LSAMP: variants seen among roughly 807,000 people sequenced by gnomAD.
The protein encoded by LSAMP is limbic system associated membrane protein.
A neutral mutation model predicts 38.6 loss-of-function variants in LSAMP; 7 were observed. That is an observed-to-expected ratio of 0.18 (90% CI 0.10 to 0.34). The LOEUF (loss-of-function observed/expected upper bound fraction) is 0.34. LSAMP is among the 10% of genes least tolerant of loss of function. The probability of loss-of-function intolerance (pLI) is 1.00; values close to 1 mark genes in which losing one functional copy is unlikely to be tolerated. For synonymous variants in LSAMP, 154 were observed against 166.8 expected (o/e 0.92, Z 0.59); for missense variants, 313 against 420.0 (o/e 0.75, Z 2.23).
intron 3 of LSAMP, among the ~76,000 whole-genome samples, chr3:115,985,993 G>T (rs528827873): frequency 6.6e-6 from 1 of 152,158 alleles, no homozygotes; most frequent in East Asian, 1.9e-4. Context: ...AATATATAAC[G>T]AATACAACTG....
chr3:116,303,243 A>G (rs1311833258), intron 1 of LSAMP, among the ~76,000 whole-genome samples: 1 of 152,202 alleles, frequency 6.6e-6, no homozygotes, highest in Non-Finnish European at 1.5e-5. Context: ...TATAGAAGAT[A>G]TTTGGGAGAA....
chr3:116,043,900 C>A (rs1016618792), intron 2 of LSAMP, among the ~76,000 whole-genome samples: 1 of 152,224 alleles, frequency 6.6e-6, no homozygotes, highest in Non-Finnish European at 1.5e-5. Context: ...GAGCCAAGAT[C>A]GCGCCGCTGC....
chr3:115,872,914 A>G (rs1467628265), intron 3 of LSAMP, among the ~76,000 whole-genome samples: 1 of 152,182 alleles, frequency 6.6e-6, no homozygotes, highest in Non-Finnish European at 1.5e-5. Context: ...GACACATGCT[A>G]ATACTAGTTT....
intron 1 of LSAMP, among the ~76,000 whole-genome samples, chr3:116,303,125 A>ATCTC (rs2047436734): frequency 6.6e-6 from 1 of 152,234 alleles, no homozygotes; most frequent in African/African-American, 2.4e-5. Flanking sequence ...GGGCTTCTCA[A>ATCTC]TCTCAGGCAA....
chr3:116,355,620 A>T (rs556229565), intron 1 of LSAMP, among the ~76,000 whole-genome samples: 1 of 152,326 alleles, frequency 6.6e-6, no homozygotes, highest in East Asian at 1.9e-4. Context: ...TCTGCATAGC[A>T]AAGGAAACAA....
chr3:116,243,223 A>G (rs890967640), intron 1 of LSAMP, among the ~76,000 whole-genome samples: 5 of 152,166 alleles, frequency 3.3e-5, no homozygotes, highest in Non-Finnish European at 5.9e-5. Context: ...TGAGGCAAAA[A>G]GGACAGAGAG....
chr3:116,201,695 C>T (rs1312463187), intron 1 of LSAMP, among the ~76,000 whole-genome samples: 1 of 152,150 alleles, frequency 6.6e-6, no homozygotes, highest in Non-Finnish European at 1.5e-5. Context: ...GTTTCATAGC[C>T]ACTCATAGAA....
intron 3 of LSAMP, among the ~76,000 whole-genome samples, chr3:115,978,864 C>T (rs1320674724): frequency 6.6e-6 from 1 of 151,916 alleles, no homozygotes; most frequent in East Asian, 1.9e-4. Context: ...TTTGATTTTG[C>T]AGTTAGGAAG....
intron 1 of LSAMP, among the ~76,000 whole-genome samples, chr3:116,274,284 A>T (rs2047017891): frequency 6.6e-6 from 1 of 152,102 alleles, no homozygotes; most frequent in Non-Finnish European, 1.5e-5. Flanking sequence ...TTTCATTATT[A>T]TCTTCCTGCT....
chr3:116,319,376 T>G (rs1233284866), intron 1 of LSAMP, among the ~76,000 whole-genome samples: 1 of 152,196 alleles, frequency 6.6e-6, no homozygotes, highest in Non-Finnish European at 1.5e-5. Context: ...AGTAGTATCT[T>G]GTATACAGAT....
chr3:116,331,032 G>A (rs1288953907), intron 1 of LSAMP, among the ~76,000 whole-genome samples: 2 of 152,008 alleles, frequency 1.3e-5, no homozygotes, highest in Non-Finnish European at 2.9e-5. Context: ...AAAAAAATAT[G>A]TATGAACAAA....
intron 1 of LSAMP, among the ~76,000 whole-genome samples, chr3:116,244,058 A>G (rs951198713): frequency 1.3e-5 from 2 of 152,142 alleles, no homozygotes; most frequent in Non-Finnish European, 2.9e-5. Flanking sequence ...CCACATCCCA[A>G]TGACTTTTAA....
At chr3:116,051,814 T>C (rs527943868) in intron 2 of LSAMP, among the ~76,000 whole-genome samples, 34 of 151,436 alleles carry the variant, frequency 2.2e-4, no homozygotes, top group Middle Eastern at 3.4e-3. Context: ...TGCTCATCGG[T>C]GAAATGGTGC....
At position 115,802,526 on chromosome 3, in the gene LSAMP, A is replaced by ATTTTT. The variant is rs10663302; in HGVS notation, c.*7786_*7790dup. 415 of 148,158 alleles carry ATTTTT rather than the reference A, an allele frequency of 2.8e-3. 1 individual carries two copies. The highest frequency in any genetic ancestry group is 9.8e-3 in the African/African-American group (398 of 40,498). The allele number at this position is 148,158 out of a possible 1,614,324, so 9.2% of individuals were successfully genotyped here. ...AAAGCTTTTTTTCATTTTAATTTTA[A>ATTTTT]TTTTTTTTTTTTAACACACATTGCG... is the stretch of plus-strand genomic sequence containing the variant. On this transcript the variant is annotated 3_prime_UTR_variant, in exon 7 of 7. Transcript: ENST00000490035.
chr3:115,829,664 T>C (rs1287951903), intron 6 of LSAMP, among the ~76,000 whole-genome samples: 2 of 152,202 alleles, frequency 1.3e-5, no homozygotes, highest in East Asian at 3.9e-4. Flanking sequence ...AGTGTGTGAG[T>C]GTATATGTGT....
At chr3:116,288,035 A>AT (rs1165698488) in intron 1 of LSAMP, among the ~76,000 whole-genome samples, 2 of 152,248 alleles carry the variant, frequency 1.3e-5, no homozygotes, top group Non-Finnish European at 2.9e-5. Flanking sequence ...TTTAAAAAAA[A>AT]GTAAGATACT....
chr3:116,061,380 G>A (rs140403077), intron 2 of LSAMP, among the ~76,000 whole-genome samples: 93 of 152,172 alleles, frequency 6.1e-4, no homozygotes, highest in Non-Finnish European at 1.0e-3. Context: ...CTCCTTAGGG[G>A]GCTGAGGGAA....
chr3:115,819,599 C>T (rs1158119960), intron 6 of LSAMP, among the ~76,000 whole-genome samples: 1 of 152,112 alleles, frequency 6.6e-6, no homozygotes, highest in African/African-American at 2.4e-5. Context: ...TATGAATCAA[C>T]TAGAGAAAGT....
intron 3 of LSAMP, among the ~76,000 whole-genome samples, chr3:115,861,130 TTTCCTTCCTTCCTTCCTTCCTTCC>T (rs369018115): frequency 0.13 from 8,652 of 64,438 alleles, 644 homozygotes; most frequent in Middle Eastern, 0.2. Flanking sequence ...TCCTTCTTTC[TTTCCTTCCTTCCTTCCTTCCTTCC>T]TTCCTTCCTT....
Sources: allele counts gnomAD v4.1 joint callset (sites outside exome capture counted in the v4.1 genomes callset), GRCh38; gene constraint gnomAD v4.1.1; transcripts MANE v1.5; gene names NCBI Gene and HGNC (gene_info 2026-07-23, HGNC 2026-07-21).